The following KIF4A variants were observed in gnomAD, a reference collection of about 807,000 sequenced individuals.
The protein encoded by KIF4A is chromosome-associated kinesin KIF4A.
KIF4A carries 7 observed loss-of-function variants against 105.9 expected under a neutral mutation model. The ratio of observed to expected loss-of-function variants is 0.07; its 90% confidence interval spans 0.04 to 0.12. The LOEUF is 0.12. Ranked by LOEUF, KIF4A falls within the 10% of genes least tolerant of loss-of-function variation. The probability of loss-of-function intolerance (pLI) is 1.00; values close to 1 mark genes in which losing one functional copy is unlikely to be tolerated. For missense variants in KIF4A, 558 were observed against 929.2 expected (o/e 0.60, Z 5.19); for synonymous variants, 281 against 331.3 (o/e 0.85, Z 1.65).
chrX:70,316,530 A>ACATATACATATGCATATATGTATATTG (rs1569231811), intron 7 of KIF4A, among the ~76,000 whole-genome samples: 8 of 108,765 alleles, frequency 7.4e-5, no homozygotes, highest in African/African-American at 2.8e-4. Flanking sequence ...AATATATATT[A>ACATATACATATGCATATATGTATATTG]CATATACATA....
At chrX:70,416,526 G>C (rs1421406875) in intron 28 of KIF4A, among the ~76,000 whole-genome samples, 3 of 108,640 alleles carry the variant, frequency 2.8e-5, no homozygotes, top group African/African-American at 1.0e-4. Flanking sequence ...GGTGGAGACA[G>C]GGTTTCAGCA....
chrX:70,365,260 C>G (rs2086096711), intron 15 of KIF4A, among the ~76,000 whole-genome samples: 1 of 111,671 alleles, frequency 9.0e-6, no homozygotes, highest in Non-Finnish European at 1.9e-5. Flanking sequence ...ATTTCCCTGG[C>G]CAGAACTTCC....
At chrX:70,302,128 A>T in intron 6 of KIF4A, 62 bp downstream of exon 6, 1 of 1,142,316 alleles carries the variant, frequency 8.8e-7, no homozygotes, top group Admixed American at 2.3e-5. Context: ...TAAACATTAG[A>T]CTGCTTCTTC....
At chrX:70,362,368 T>G (rs1258789540) in intron 15 of KIF4A, 1 of 264,676 alleles carries the variant, frequency 3.8e-6, no homozygotes, top group African/African-American at 2.8e-5. Context: ...GGGATGCATA[T>G]CACCATCTTG....
chrX:70,372,327 C>T (rs1380441542), intron 15 of KIF4A, among the ~76,000 whole-genome samples: 31 of 112,908 alleles, frequency 2.7e-4, no homozygotes, highest in African/African-American at 8.7e-4. Context: ...GCCGAGATCA[C>T]GCCACTGCAC....
At chrX:70,343,364 G>A (rs2085979566) in intron 11 of KIF4A, among the ~76,000 whole-genome samples, 1 of 110,281 alleles carries the variant, frequency 9.1e-6, no homozygotes, top group Admixed American at 9.7e-5. Context: ...GCAAACAGCA[G>A]GGACTAACAT....
chrX:70,374,810 C>T (rs953527088), intron 16 of KIF4A, among the ~76,000 whole-genome samples: 4 of 112,072 alleles, frequency 3.6e-5, no homozygotes, highest in African/African-American at 6.5e-5. Context: ...TCAGTGACTC[C>T]GTTTTATCTC....
chrX:70,354,020 C>T (rs2086041627), intron 15 of KIF4A, among the ~76,000 whole-genome samples: 1 of 112,367 alleles, frequency 8.9e-6, no homozygotes, highest in Non-Finnish European at 1.9e-5. Flanking sequence ...CCTTATGCCA[C>T]AGGTATTTAA....
In KIF4A at chrX:70,420,757, T is replaced by C. The variant is rs2086363647; in HGVS notation, c.*492T>C. The C allele has an allele frequency of 8.2e-6, 1 of 121,596 alleles. No individual in the cohort carries two copies. Among genetic ancestry groups the C allele is most frequent in the East Asian group, 2.8e-4 (1 of 3,574 alleles). The allele number at this position is 121,596 out of a possible 1,213,427, so 10.0% of individuals were successfully genotyped here. A position where few individuals can be genotyped will look rare whatever the true frequency, so the allele number is the denominator to read the frequency against. Reference sequence around the variant, plus strand: ...TATGTTTCAATAGTACTCTTGATTGTCTGCCATGTTGTTGAAGCAAATGAA... The same window carrying C: ...TATGTTTCAATAGTACTCTTGATTGCCTGCCATGTTGTTGAAGCAAATGAA... On this transcript the variant is annotated 3_prime_UTR_variant, in exon 31 of 31. Transcript: ENST00000374403.
chrX:70,337,192 G>A (rs1414153067), intron 10 of KIF4A, among the ~76,000 whole-genome samples: 2 of 111,654 alleles, frequency 1.8e-5, no homozygotes, highest in African/African-American at 6.5e-5. Flanking sequence ...GCTGCTATAA[G>A]CATGGGTGTA....
intron 10 of KIF4A, among the ~76,000 whole-genome samples, chrX:70,338,658 G>T (rs1289541896): frequency 9.0e-6 from 1 of 111,709 alleles, no homozygotes; most frequent in African/African-American, 3.3e-5. Context: ...TAAATGCCTG[G>T]GTATAGAATT....
At chrX:70,389,235 G>GAC (rs889145137) in intron 20 of KIF4A, among the ~76,000 whole-genome samples, 1 of 110,416 alleles carries the variant, frequency 9.1e-6, no homozygotes, top group African/African-American at 3.3e-5. Context: ...CAGCCTGGGT[G>GAC]ACACAGCAAG....
chrX:70,409,792 CT>C (rs1266069349), intron 28 of KIF4A, among the ~76,000 whole-genome samples: 1 of 84,655 alleles, frequency 1.2e-5, no homozygotes, highest in African/African-American at 4.6e-5. Context: ...GCAAGACTGT[CT>C]CAAAAAAAAA....
Position 70,343,912 on chromosome X carries a change from T to C in KIF4A, c.1361T>C (p.Leu454Ser), listed in dbSNP as rs1213597962. 1 of 1,211,371 alleles carries C rather than the reference T, an allele frequency of 8.3e-7. No individual in the cohort carries two copies. The highest frequency in any genetic ancestry group is 1.1e-6 in the Non-Finnish European group (1 of 895,013). ...GATCTTCAAAAGCTAGTGGAGACTT[T>C]GGAAGACCAGGAATTGAAAGAAAAT... ...KLDLQKLVET[L>S]EDQELKENVE... Residue 454 changes from leucine (L) to serine (S), a missense_variant, in exon 13 of 31, where the codon TTG (leucine) becomes TCG (serine). Coordinates refer to ENST00000374403, the MANE Select transcript of KIF4A (RefSeq NM_012310.5).
intron 7 of KIF4A, among the ~76,000 whole-genome samples, chrX:70,326,570 C>G (rs1460082537): frequency 8.9e-6 from 1 of 112,133 alleles, no homozygotes; most frequent in African/African-American, 3.2e-5. Context: ...AAAATCTCTC[C>G]TTTATTATTT....
At chrX:70,311,185 C>T (rs373776218) in intron 7 of KIF4A, among the ~76,000 whole-genome samples, 3 of 109,858 alleles carry the variant, frequency 2.7e-5, no homozygotes, top group Non-Finnish European at 5.7e-5. Flanking sequence ...TTCTGATTGC[C>T]GAATTTATTA....
intron 28 of KIF4A, among the ~76,000 whole-genome samples, chrX:70,408,623 A>C (rs1459207624): frequency 5.4e-5 from 6 of 111,967 alleles, no homozygotes; most frequent in Non-Finnish European, 1.1e-4. Context: ...TAAGCCTTAT[A>C]AACCCACACC....
At chrX:70,294,191 C>T (rs770426119) in intron 3 of KIF4A, among the ~76,000 whole-genome samples, 28 of 111,553 alleles carry the variant, frequency 2.5e-4, no homozygotes, top group Non-Finnish European at 4.0e-4. Context: ...TAGGCCCACC[C>T]AGGGCCAGGA....
rs1816565678 is a variant in KIF4A, at chrX:70,389,148, G to A, written c.2232+1851G>A. ...GTGCATGCCTGTAGTCCCAACTACC[G>A]GGGAGACTGAGGTGGGAAGATCGCT... On this transcript the variant is annotated intron_variant, in intron 20 of 30. Transcript: ENST00000374403. Among the ~76,000 whole-genome samples, 3 of 111,451 alleles carry A rather than the reference G, an allele frequency of 2.7e-5. No individual in the cohort carries two copies. The South Asian group carries it at 1.1e-3, about 42-fold the overall frequency.
Sources: gnomAD v4.1 joint callset for allele counts (sites outside exome capture counted in the v4.1 genomes callset) on GRCh38, gnomAD v4.1.1 for gene constraint, MANE v1.5 for transcripts, NCBI Gene and HGNC (gene_info 2026-07-23, HGNC 2026-07-21) for gene names.